SNX18: variants seen among roughly 807,000 people sequenced by gnomAD.
The protein encoded by SNX18 is sorting nexin 18.
Under a neutral mutation model 48.7 loss-of-function variants are expected in SNX18, and 35 were observed. The observed-to-expected ratio is 0.72, with a 90% CI of 0.55 to 0.95. SNX18 has a LOEUF of 0.95. SNX18 is among the 40% of genes least tolerant of loss of function. The pLI is 0.00. For missense variants in SNX18, 824 were observed against 871.0 expected, an observed-to-expected ratio of 0.95 and a Z score of 0.68; for synonymous variants, 492 against 384.7, an observed-to-expected ratio of 1.28 and a Z score of -3.26.
the SNX18 span, among the ~76,000 whole-genome samples, chr5:54,618,857 C>A: frequency 0.74 from 112,542 of 152,056 alleles, 42,518 homozygotes; most frequent in African/African-American, 0.9. Flanking sequence ...TATACATCTC[C>A]GTAGTTAATA....
At chr5:54,572,793 T>A in the SNX18 span, among the ~76,000 whole-genome samples, 9 of 108,914 alleles carry the variant, frequency 8.3e-5, no homozygotes, top group Admixed American at 2.0e-4. Flanking sequence ...TTTTTTTTTT[T>A]TTTTTTTTTT....
At chr5:54,637,020 T>C in the SNX18 span, among the ~76,000 whole-genome samples, 1 of 152,208 alleles carries the variant, frequency 6.6e-6, no homozygotes, top group Non-Finnish European at 1.5e-5. Context: ...AAGAGACTAA[T>C]GAGGCAATAG....
chr5:54,531,075 G>A (rs189654750), intron 1 of SNX18, among the ~76,000 whole-genome samples: 4 of 152,110 alleles, frequency 2.6e-5, no homozygotes, highest in African/African-American at 7.2e-5. Flanking sequence ...TTTAAACTGC[G>A]AGTTCCTGGA....
At chr5:54,606,497 G>A in the SNX18 span, among the ~76,000 whole-genome samples, 1 of 152,136 alleles carries the variant, frequency 6.6e-6, no homozygotes, top group South Asian at 2.1e-4. Flanking sequence ...AGAGGACTTC[G>A]GGAGACCAGG....
the SNX18 span, among the ~76,000 whole-genome samples, chr5:54,647,469 A>C: frequency 1.3e-5 from 2 of 152,340 alleles, no homozygotes; most frequent in African/African-American, 4.8e-5. Flanking sequence ...AGAACAGAGC[A>C]TTCTGGAAAG....
At chr5:54,600,486 C>A in the SNX18 span, among the ~76,000 whole-genome samples, 1 of 152,084 alleles carries the variant, frequency 6.6e-6, no homozygotes, top group Admixed American at 6.6e-5. Flanking sequence ...GGGTATATAC[C>A]AAAGGGAATA....
At chr5:54,554,633 A>C in the SNX18 span, among the ~76,000 whole-genome samples, 2 of 152,324 alleles carry the variant, frequency 1.3e-5, no homozygotes, top group East Asian at 3.9e-4. Context: ...TCCATAATCC[A>C]TTTTGAATAG....
chr5:54,575,065 G>A, the SNX18 span, among the ~76,000 whole-genome samples: 8,892 of 152,202 alleles, frequency 0.058, 301 homozygotes, highest in Non-Finnish European at 0.082. Context: ...GACTGTGTGA[G>A]GAATAGAATA....
At chr5:54,559,839 A>C in the SNX18 span, among the ~76,000 whole-genome samples, 1 of 152,228 alleles carries the variant, frequency 6.6e-6, no homozygotes, top group Non-Finnish European at 1.5e-5. Flanking sequence ...TCCAGCATCT[A>C]TAAGGAACTT....
the SNX18 span, among the ~76,000 whole-genome samples, chr5:54,568,833 CTTTTTTTTTT>C: frequency 1.4e-5 from 1 of 69,528 alleles, no homozygotes; most frequent in Non-Finnish European, 2.6e-5. Context: ...TTCAGTGGTA[CTTTTTTTTTT>C]TTTTTTTTTT....
rs538587425 is a variant in SNX18 at position 54,518,253 on chromosome 5, C to T, written c.301C>T (p.Pro101Ser). 1.1e-4 allele frequency: 165 copies of T among 1,463,944 alleles called. No homozygotes were observed. Among genetic ancestry groups the T allele is most frequent in the African/African-American group, 2.4e-4 (16 of 67,490 alleles). The allele number at this position is 1,463,944 out of a possible 1,614,324, so 90.7% of individuals were successfully genotyped here. A position where few individuals can be genotyped will look rare whatever the true frequency, so the allele number is the denominator to read the frequency against. Reference sequence around the variant, plus strand: ...GCCCCCCGCCTCCTTCAAGCCGCCGCCTGACGCCTTCCAGGCGCTGCTGCA... The same window carrying T: ...GCCCCCCGCCTCCTTCAAGCCGCCGTCTGACGCCTTCCAGGCGCTGCTGCA... Reference protein sequence around the residue: ...VAPPASFKPPPDAFQALLQPQ... With the variant: ...VAPPASFKPPSDAFQALLQPQ... The change falls in exon 1 of 2, where the codon CCT becomes TCT. Residue 101 changes from proline to serine, a missense_variant. Transcript: ENST00000381410.
intron 1 of SNX18, among the ~76,000 whole-genome samples, chr5:54,541,591 A>G (rs908087973): frequency 6.6e-6 from 1 of 152,060 alleles, no homozygotes; most frequent in South Asian, 2.1e-4. Context: ...TTTCTCTGCC[A>G]TGGGTTAGGT....
chr5:54,594,338 T>C, the SNX18 span, among the ~76,000 whole-genome samples: 2 of 152,206 alleles, frequency 1.3e-5, no homozygotes, highest in Non-Finnish European at 2.9e-5. Flanking sequence ...TGTGTGACCA[T>C]ATGCATTTGT....
chr5:54,599,400 T>C, the SNX18 span, among the ~76,000 whole-genome samples: 2 of 152,184 alleles, frequency 1.3e-5, no homozygotes, highest in Non-Finnish European at 2.9e-5. Context: ...AAAACGGCCA[T>C]ACTACCCAAA....
At chr5:54,573,269 A>T in the SNX18 span, among the ~76,000 whole-genome samples, 6 of 152,114 alleles carry the variant, frequency 3.9e-5, no homozygotes, top group Non-Finnish European at 5.9e-5. Context: ...GGAACATCCT[A>T]CTCGGTCTAT....
At chr5:54,564,446 T>C in the SNX18 span, among the ~76,000 whole-genome samples, 2 of 152,206 alleles carry the variant, frequency 1.3e-5, no homozygotes, top group African/African-American at 4.8e-5. Flanking sequence ...AGTTTATCAG[T>C]TTTCAATTAC....
chr5:54,520,092 CT>C (rs1484253778), intron 1 of SNX18: 2 of 400,558 alleles, frequency 5.0e-6, no homozygotes, highest in Non-Finnish European at 9.3e-6. Flanking sequence ...TAAGAAATTC[CT>C]GCAAAGAATT....
At chr5:54,587,750 T>C in the SNX18 span, among the ~76,000 whole-genome samples, 1 of 152,232 alleles carries the variant, frequency 6.6e-6, no homozygotes, top group Admixed American at 6.5e-5. Context: ...TTGCTTTCAA[T>C]TCAGATGGTC....
chr5:54,642,114 G>A, the SNX18 span, among the ~76,000 whole-genome samples: 5 of 152,132 alleles, frequency 3.3e-5, no homozygotes, highest in South Asian at 2.1e-4. Flanking sequence ...GCAGCACAGC[G>A]GATCATTCCC....
Sources: gnomAD v4.1 joint callset for allele counts (sites outside exome capture counted in the v4.1 genomes callset) on GRCh38, gnomAD v4.1.1 for gene constraint, MANE v1.5 for transcripts, NCBI Gene and HGNC (gene_info 2026-07-23, HGNC 2026-07-21) for gene names.